LONP1: variants seen among roughly 807,000 people sequenced by gnomAD.
LONP1 encodes the protein lon peptidase 1, mitochondrial.
In LONP1, 31 loss-of-function variants were observed where a neutral mutation model predicts 98.5. That is an observed-to-expected ratio of 0.31 (90% CI 0.24 to 0.42). The LOEUF is 0.42. LONP1 is among the 20% of genes least tolerant of loss of function. The probability of loss-of-function intolerance (pLI) is 1.00; values close to 1 mark genes in which losing one functional copy is unlikely to be tolerated. For synonymous variants in LONP1, 781 were observed against 594.7 expected, an observed-to-expected ratio of 1.31 and a Z score of -4.56; for missense variants, 1,336 against 1,350.6, an observed-to-expected ratio of 0.99 and a Z score of 0.17.
rs775197460 is a variant in LONP1, at chr19:5,693,381, G to C, written c.2620C>G (p.Arg874Gly). ...TCGCCAGTCATGGCCAGATTCTGCCGGACAGGCCTGCCCATGGCCAGGGAC... is the reference window on the plus strand; with the variant it reads ...TCGCCAGTCATGGCCAGATTCTGCCCGACAGGCCTGCCCATGGCCAGGGAC... Reference protein sequence around the residue: ...LLSLAMGRPVRQNLAMTGEVS... With the variant: ...LLSLAMGRPVGQNLAMTGEVS... Residue 874 changes from arginine (R) to glycine (G), a missense_variant, in exon 17 of 18, where the codon CGG becomes GGG. Coordinates refer to ENST00000360614, the MANE Select transcript of LONP1 (RefSeq NM_004793.4). 5 of 1,613,340 alleles carry C rather than the reference G, an allele frequency of 3.1e-6. No individual in the cohort carries two copies. The highest frequency in any genetic ancestry group is 4.2e-6 in the Non-Finnish European group (5 of 1,179,842).
In LONP1 at chr19:5,719,901, C is replaced by A. The variant is rs1471817410; in HGVS notation, c.232G>T (p.Ala78Ser). The A allele has an allele frequency of 5.2e-6, 8 of 1,551,812 alleles. No individual in the cohort carries two copies. Among genetic ancestry groups the A allele is most frequent in the Non-Finnish European group, 7.0e-6 (8 of 1,149,770 alleles). The change falls in exon 1 of 18, where the codon GCA becomes TCA. Residue 78 changes from alanine (A) to serine (S), a missense_variant. Around this residue, in one of 5 missense-constraint regions of LONP1, gnomAD observed 457 missense variants for 403.1 expected, o/e 1.13. Transcript: ENST00000360614. ...GAGGCGTCCTCGCCCCCCGAGAATG[C>A]GCCTCCGCCGCGGCTGCTCGCTTCC... is the stretch of plus-strand genomic sequence containing the variant. ...FWEASSRGGG[A>S]FSGGEDASEG...
At position 5,719,992 on chromosome 19, in the gene LONP1, G is replaced by A. The variant is rs1258570546; in HGVS notation, c.141C>T (p.Asp47=). The A allele has an allele frequency of 6.3e-7, 1 of 1,581,268 alleles. No homozygotes were observed. The highest frequency in any genetic ancestry group is 2.3e-5 in the East Asian group (1 of 42,730). ...AWLLRGQRTC[D]ASPPWALWGR... ...CCCACAGTGCCCAAGGAGGAGAGGC[G>A]TCGCAGGTCCGCTGGCCTCGGAGCA... Residue 47 remains aspartate (D), a synonymous_variant, in exon 1 of 18, where the codon GAC becomes GAT. Coordinates refer to ENST00000360614, the MANE Select transcript of LONP1 (RefSeq NM_004793.4).
intron 15 of LONP1, 97 bp downstream of exon 15, chr19:5,694,290 A>T: frequency 6.6e-7 from 1 of 1,508,894 alleles, no homozygotes; most frequent in South Asian, 1.2e-5. Flanking sequence ...GTTCAGAGCC[A>T]CCTGAGGCCC....
At chr19:5,712,751 T>A (rs2055257525) in intron 3 of LONP1, among the ~76,000 whole-genome samples, 1 of 152,056 alleles carries the variant, frequency 6.6e-6, no homozygotes, top group Non-Finnish European at 1.5e-5. Context: ...CACCTCAGCC[T>A]CTTGCGTAGC....
intron 3 of LONP1, among the ~76,000 whole-genome samples, chr19:5,712,829 G>A (rs566713266): frequency 1.4e-3 from 206 of 152,158 alleles, no homozygotes; most frequent in African/African-American, 4.2e-3. Context: ...ATGGGATCTC[G>A]CTACGTTGCC....
At chr19:5,716,541 A>C (rs1022686450) in intron 1 of LONP1, among the ~76,000 whole-genome samples, 10 of 150,090 alleles carry the variant, frequency 6.7e-5, no homozygotes, top group African/African-American at 2.5e-4. Flanking sequence ...AATTCCTGAC[A>C]CTATAGATAC....
intron 15 of LONP1, 125 bp downstream of exon 15, chr19:5,694,262 C>CGT: frequency 2.3e-6 from 3 of 1,303,830 alleles, no homozygotes; most frequent in Non-Finnish European, 3.1e-6. Flanking sequence ...CCCAGCACAC[C>CGT]ACCCCCCGCC....
chr19:5,708,682 A>G (rs1471444136), intron 4 of LONP1: 8 of 389,688 alleles, frequency 2.1e-5, no homozygotes, highest in African/African-American at 4.1e-5. Flanking sequence ...TCTCAGGGGA[A>G]AAAAAGAGAC....
At chr19:5,702,116 G>A (rs1327692341) in intron 8 of LONP1, among the ~76,000 whole-genome samples, 2 of 150,532 alleles carry the variant, frequency 1.3e-5, no homozygotes, top group Non-Finnish European at 3.0e-5. Context: ...CCCCGTCCGG[G>A]AGGTGAGGGG....
At chr19:5,709,000 G>C (rs1330941950) in intron 4 of LONP1, 1 of 135,458 alleles carries the variant, frequency 7.4e-6, no homozygotes, top group Non-Finnish European at 1.5e-5. Context: ...GCGAAAGAGC[G>C]AGACTCTGTC....
At chr19:5,702,374 C>T (rs1181884801) in intron 8 of LONP1, among the ~76,000 whole-genome samples, 15 of 149,344 alleles carry the variant, frequency 1.0e-4, no homozygotes, top group Non-Finnish European at 1.6e-4. Context: ...GCCCCCCGCC[C>T]GGCCAGCCGC....
chr19:5,699,149 G>C lies in LONP1; in HGVS notation c.1563C>G (p.Phe521Leu), dbSNP rs751577296. ...TCTTACCCACGCCAGGGGGGCCATA[G>C]AAGCAGAGGATCTTGCCCTGGGTGG... ...RGSTQGKILC[F>L]YGPPGVGKTS... is the part of the protein sequence containing the mutation. The change falls in exon 10 of 18, where the codon TTC becomes TTG. Residue 521 changes from phenylalanine to leucine, a missense_variant. By Grantham distance (22) the Phe-to-Leu change is conservative. Around this residue, in one of 5 missense-constraint regions of LONP1, gnomAD observed 219 missense variants for 241.0 expected, o/e 0.91. Coordinates refer to ENST00000360614, the MANE Select transcript of LONP1 (RefSeq NM_004793.4). 15 of 1,555,342 alleles carry C rather than the reference G, an allele frequency of 9.6e-6. No individual in the cohort carries two copies. The South Asian group carries it at 1.6e-4, about 17-fold the overall frequency.
Position 5,693,396 on chromosome 19 carries a change from T to C in LONP1, c.2605A>G (p.Met869Val). The change falls in exon 17 of 18, where the codon ATG becomes GTG. Residue 869 changes from methionine (M) to valine (V), a missense_variant. By Grantham distance (21) the Met-to-Val change is conservative. Around this residue, in one of 5 missense-constraint regions of LONP1, gnomAD observed 555 missense variants for 542.6 expected, o/e 1.02. Transcript: ENST00000360614. The part of the protein sequence containing the change: ...TIVTALLSLA[M>V]GRPVRQNLAM... Reference sequence around the variant, plus strand: ...AGATTCTGCCGGACAGGCCTGCCCATGGCCAGGGACAGCAGGGCCGTGACG... The same window carrying C: ...AGATTCTGCCGGACAGGCCTGCCCACGGCCAGGGACAGCAGGGCCGTGACG... The C allele has an allele frequency of 3.7e-6, 6 of 1,613,144 alleles. No individual in the cohort carries two copies. The highest frequency in any genetic ancestry group is 3.3e-5 in the South Asian group (3 of 91,086).
At chr19:5,693,499 G>T in intron 16 of LONP1, 37 bp from the exon 17 acceptor site, 2 of 1,611,792 alleles carry the variant, frequency 1.2e-6, no homozygotes, top group Non-Finnish European at 1.7e-6. Context: ...TGAGCAGGTG[G>T]CCAGCAGCCC....
At chr19:5,710,301 C>A (rs1304530031) in intron 4 of LONP1, among the ~76,000 whole-genome samples, 1 of 151,962 alleles carries the variant, frequency 6.6e-6, no homozygotes, top group Non-Finnish European at 1.5e-5. Context: ...GTTGGTCAGG[C>A]TGGTCTCAAA....
At chr19:5,715,039 G>A (rs986806062) in intron 1 of LONP1, 12 of 102,870 alleles carry the variant, frequency 1.2e-4, no homozygotes, top group Non-Finnish European at 2.0e-4. Context: ...GTTTGGGAAC[G>A]CCTAAACAAA....
intron 8 of LONP1, among the ~76,000 whole-genome samples, chr19:5,703,436 T>C (rs898018384): frequency 6.6e-6 from 1 of 151,738 alleles, no homozygotes; most frequent in African/African-American, 2.4e-5. Flanking sequence ...GGAGGGCAAC[T>C]CCATATTGGT....
At chr19:5,700,700 C>T in intron 9 of LONP1, 89 bp downstream of exon 9, 1 of 1,539,466 alleles carries the variant, frequency 6.5e-7, no homozygotes, top group Non-Finnish European at 8.8e-7. Flanking sequence ...CACCAGGGGG[C>T]TCCTTTGAAA....
Position 5,719,740 on chromosome 19 carries a change from G to C in LONP1, c.393C>G (p.Arg131=). 1 of 1,613,864 alleles carries C rather than the reference G, an allele frequency of 6.2e-7. No homozygotes were observed. Among genetic ancestry groups the C allele is most frequent in the Non-Finnish European group, 8.5e-7 (1 of 1,180,034 alleles). ...FPHLPLIAIT[R]NPVFPRFIKI... is the part of the protein sequence containing the mutation. Reference sequence around the variant, plus strand: ...TGATAAAGCGCGGGAACACCGGGTTGCGGGTGATGGCGATGAGCGGCAGGT... The same window carrying C: ...TGATAAAGCGCGGGAACACCGGGTTCCGGGTGATGGCGATGAGCGGCAGGT... The change falls in exon 1 of 18, where the codon CGC becomes CGG. Residue 131 remains arginine, a synonymous_variant. Transcript: ENST00000360614.
Sources: gnomAD v4.1 joint callset for allele counts (sites outside exome capture counted in the v4.1 genomes callset) on GRCh38, gnomAD v4.1.1 for gene constraint, gnomAD v4.1.1 regional missense constraint, MANE v1.5 for transcripts, NCBI Gene and HGNC (gene_info 2026-07-23, HGNC 2026-07-21) for gene names.